Variants in DNAH3 observed in about 807,000 individuals in gnomAD.
DNAH3 encodes axonemal beta dynein heavy chain 3.
In DNAH3, 332 loss-of-function variants were observed where a neutral mutation model predicts 432.5. The ratio of observed to expected loss-of-function variants is 0.77; its 90% CI spans 0.70 to 0.84. The LOEUF is 0.84. Among genes scored for constraint, DNAH3 ranks in the 40% least tolerant of loss-of-function variants. The pLI, the probability that DNAH3 is intolerant of heterozygous loss-of-function variation, is 0.00. For synonymous variants in DNAH3, 1,956 were observed against 1,900.2 expected (o/e 1.03, Z -0.76); for missense variants, 4,861 against 5,114.0 (o/e 0.95, Z 1.51).
chr16:21,120,843 T>TA lies in DNAH3; in HGVS notation c.1595dup (p.Pro533ThrfsTer3). On this transcript the variant is annotated frameshift_variant, in exon 11 of 62. Transcript: ENST00000261383. LOFTEE classifies it high-confidence loss of function. Reference sequence around the variant, plus strand: ...CAGCAGTGAAGGAGAACTTAAGTGGTATGTATTTCAGCTGTCCCCATACAT... The same window carrying TA: ...CAGCAGTGAAGGAGAACTTAAGTGGTAATGTATTTCAGCTGTCCCCATACAT... The TA allele has an allele frequency of 6.2e-7, 1 of 1,613,708 alleles. No homozygotes were observed. Among genetic ancestry groups the TA allele is most frequent in the Non-Finnish European group, 8.5e-7 (1 of 1,179,734 alleles).
intron 39 of DNAH3, among the ~76,000 whole-genome samples, chr16:21,023,820 G>T (rs909578572): frequency 2.5e-4 from 28 of 109,990 alleles, no homozygotes; most frequent in African/African-American, 9.5e-4. Context: ...TGTGTGTGTG[G>T]ACTGGCGCTT....
intron 46 of DNAH3, 99 bp downstream of exon 46, chr16:20,987,594 A>G (rs1234885953): frequency 6.5e-7 from 1 of 1,540,364 alleles, no homozygotes; most frequent in East Asian, 2.3e-5. Context: ...AGCATAGACT[A>G]AGTGCCTAAT....
At chr16:21,130,348 C>T (rs1322934002) in intron 7 of DNAH3, among the ~76,000 whole-genome samples, 1 of 151,072 alleles carries the variant, frequency 6.6e-6, no homozygotes, top group Non-Finnish European at 1.5e-5. Flanking sequence ...ACTCTGTCAC[C>T]CAGGCTGGAG....
rs770144937 is a variant in DNAH3 at position 21,049,952 on chromosome 16, C to T, written c.4305G>A (p.Lys1435=). ...TGGCCAAATCTTTGGTGGTTTCTGT[C>T]TTGCCAGTCCCAGCTGGACCCTCTG... Residue 1435 remains lysine, a synonymous_variant, in exon 30 of 62, where the codon AAG becomes AAA. Coordinates refer to ENST00000261383, the Ensembl canonical transcript of DNAH3. 1.9e-6 allele frequency: 3 copies of T among 1,614,226 alleles called. No individual in the cohort carries two copies. In the Admixed American group the frequency reaches 5.0e-5, roughly 27 times the overall value.
intron 41 of DNAH3, among the ~76,000 whole-genome samples, chr16:21,018,056 T>C (rs1159014676): frequency 1.3e-5 from 2 of 152,168 alleles, no homozygotes; most frequent in African/African-American, 4.8e-5. Context: ...ATAAATACTT[T>C]GGCGTGCTTC....
chr16:21,109,046 C>T (rs2092010093), intron 14 of DNAH3, among the ~76,000 whole-genome samples: 1 of 150,348 alleles, frequency 6.7e-6, no homozygotes, highest in East Asian at 2.0e-4. Context: ...TCACTTGAAT[C>T]TGGGAGGCGG....
intron 58 of DNAH3, 100 bp from the exon 59 acceptor site, chr16:20,941,643 T>C (rs1267527796): frequency 6.9e-7 from 1 of 1,440,728 alleles, no homozygotes; most frequent in Non-Finnish European, 9.4e-7. Flanking sequence ...TTCAAATGTA[T>C]TCTGTGGGAC....
intron 7 of DNAH3, among the ~76,000 whole-genome samples, chr16:21,133,575 G>T (rs1018375080): frequency 1.3e-5 from 2 of 151,928 alleles, no homozygotes; most frequent in East Asian, 3.9e-4. Flanking sequence ...ACCCCATCTT[G>T]ACTAAAGATG....
intron 18 of DNAH3, among the ~76,000 whole-genome samples, chr16:21,092,769 A>C (rs2091575952): frequency 6.6e-6 from 1 of 151,228 alleles, no homozygotes; most frequent in Non-Finnish European, 1.5e-5. Flanking sequence ...GAATTTTTAA[A>C]AATTCAACAA....
intron 44 of DNAH3, among the ~76,000 whole-genome samples, chr16:20,989,864 C>G (rs1204449158): frequency 6.6e-6 from 1 of 152,246 alleles, no homozygotes; most frequent in Admixed American, 6.5e-5. Flanking sequence ...CCCAGTACAC[C>G]CTCCGCAGCC....
rs564745041 is a variant in DNAH3 at position 20,965,006 on chromosome 16, A to G, written c.8878T>C (p.Cys2960Arg). 5 of 1,614,106 alleles carry G rather than the reference A, an allele frequency of 3.1e-6. No homozygotes were observed. In the Admixed American group the frequency reaches 8.3e-5, roughly 27 times the overall value. ...TCTGCCCTGACCAGCTTTTGGGAGC[A>G]GATTTCAATGTTTTCCTCCAAGTCC... Residue 2960 changes from cysteine (C) to arginine (R), a missense_variant, in exon 53 of 62, where the codon TGC becomes CGC. Transcript: ENST00000261383.
chr16:20,963,257 G>C, intron 53 of DNAH3, 27 bp downstream of exon 53: 1 of 1,598,688 alleles, frequency 6.3e-7, no homozygotes, highest in Non-Finnish European at 8.5e-7. Context: ...GGCTTTCCAC[G>C]TCTCTCCCAC....
intron 25 of DNAH3, among the ~76,000 whole-genome samples, chr16:21,060,682 C>T (rs908911199): frequency 2.7e-5 from 4 of 150,638 alleles, no homozygotes; most frequent in Non-Finnish European, 4.4e-5. Context: ...GCACCACCAC[C>T]GCGGCTGATG....
rs536182027 is a variant in DNAH3, at chr16:21,127,577, C to G, written c.1208+110G>C. ...CTCTGTCTCAAAAAAAAAAAAGACA[C>G]GAAAGGATGCCAGTGGGACAAACCC... On this transcript the variant is annotated intron_variant, in intron 8 of 61. Transcript: ENST00000261383. 19 of 1,328,086 alleles carry G rather than the reference C, an allele frequency of 1.4e-5. 1 individual carries two copies. The highest frequency in any genetic ancestry group is 1.9e-5 in the Non-Finnish European group (19 of 975,920). The allele number at this position is 1,328,086 out of a possible 1,614,324, so 82.3% of individuals were successfully genotyped here. A position where few individuals can be genotyped will look rare whatever the true frequency, so the allele number is the denominator to read the frequency against.
At chr16:20,990,968 C>G (rs911457663) in intron 44 of DNAH3, among the ~76,000 whole-genome samples, 2 of 152,082 alleles carry the variant, frequency 1.3e-5, no homozygotes, top group Non-Finnish European at 2.9e-5. Context: ...TTACAGTGAG[C>G]CGAGATTGTG....
intron 41 of DNAH3, among the ~76,000 whole-genome samples, chr16:21,017,297 A>G (rs2087909273): frequency 6.6e-6 from 1 of 152,196 alleles, no homozygotes; most frequent in African/African-American, 2.4e-5. Context: ...TGAAAGGAGC[A>G]TATCTTGGGC....
chr16:20,959,299 G>A lies in DNAH3; in HGVS notation c.10706C>T (p.Ala3569Val), dbSNP rs769646154. The A allele has an allele frequency of 9.3e-6, 15 of 1,614,096 alleles. No homozygotes were observed. In the South Asian group the frequency reaches 1.5e-4, roughly 17 times the overall value. ...GACCACCCAGGTCCCGTCTTTGATG[G>A]CATTGTTGATCATTTTGGCAGCAAT... The change falls in exon 54 of 62, where the codon GCC becomes GTC. Residue 3569 changes from alanine to valine, a missense_variant. Physicochemically the swap from Ala to Val is moderately conservative, Grantham distance 64. Transcript: ENST00000261383.
At chr16:21,024,120 C>G (rs534554637) in intron 39 of DNAH3, among the ~76,000 whole-genome samples, 1 of 152,192 alleles carries the variant, frequency 6.6e-6, no homozygotes, top group Non-Finnish European at 1.5e-5. Flanking sequence ...AGGGAGTGGT[C>G]GCTCACAGTA....
rs943221051 is a variant in DNAH3 at position 21,005,308 on chromosome 16, TTCCCTCCC to T, written c.6023-2109_6023-2102del. 2.1e-5 allele frequency among the ~76,000 whole-genome samples: 3 copies of T among 141,616 alleles called. 1 individual carries two copies. Among genetic ancestry groups the T allele is most frequent in the South Asian group, 2.6e-4 (1 of 3,842 alleles). 92.9% of individuals were successfully genotyped at this position (141,616 alleles called of 152,430 possible). On this transcript the variant is annotated intron_variant, in intron 41 of 61. Coordinates refer to ENST00000261383, the Ensembl canonical transcript of DNAH3. Reference sequence around the variant, plus strand: ...CTTCCTTGCTTCCCTCCTTCCCTCCTTCCCTCCCTCCCTCCCTTCCTTCCTTCTTTCCT... The same window carrying T: ...CTTCCTTGCTTCCCTCCTTCCCTCCTTCCCTCCCTTCCTTCCTTCTTTCCT...
Sources: gnomAD v4.1 joint callset for allele counts (sites outside exome capture counted in the v4.1 genomes callset) on GRCh38, gnomAD v4.1.1 for gene constraint, MANE v1.5 for transcripts, NCBI Gene and HGNC (gene_info 2026-07-23, HGNC 2026-07-21) for gene names.